CTNNA3: variants seen among roughly 807,000 people sequenced by gnomAD.
The protein encoded by CTNNA3 is catenin alpha 3.
CTNNA3 carries 76 observed loss-of-function variants against 95.7 expected under a neutral mutation model. The ratio of observed to expected loss-of-function variants is 0.79; its 90% CI spans 0.66 to 0.96. The LOEUF (loss-of-function observed/expected upper bound fraction) is 0.96, where lower values mean the gene tolerates loss of function less well. Ranked by LOEUF, CTNNA3 falls within the 40% of genes least tolerant of loss-of-function variation. CTNNA3 has a pLI of 0.00. For missense variants in CTNNA3, 1,191 were observed against 1,089.8 expected (o/e 1.09, Z -1.31); for synonymous variants, 431 against 374.4 (o/e 1.15, Z -1.74).
chr10:66,696,489 C>T (rs1847768948), intron 9 of CTNNA3, among the ~76,000 whole-genome samples: 2 of 152,138 alleles, frequency 1.3e-5, no homozygotes, highest in South Asian at 4.1e-4. Context: ...TTAAAGTGAA[C>T]TAACTTATTC....
At chr10:67,033,229 T>A (rs1174786400) in intron 7 of CTNNA3, among the ~76,000 whole-genome samples, 2 of 152,204 alleles carry the variant, frequency 1.3e-5, no homozygotes, top group African/African-American at 4.8e-5. Flanking sequence ...TCTATTTGTA[T>A]AAGGCTTTCT....
At chr10:67,630,229 T>C (rs930468076) in intron 2 of CTNNA3, among the ~76,000 whole-genome samples, 2 of 152,194 alleles carry the variant, frequency 1.3e-5, no homozygotes, top group African/African-American at 4.8e-5. Flanking sequence ...AATATTCCCA[T>C]TGTCCTCTGG....
intron 12 of CTNNA3, among the ~76,000 whole-genome samples, chr10:66,313,962 T>G (rs2092061926): frequency 6.6e-6 from 1 of 152,220 alleles, no homozygotes; most frequent in Non-Finnish European, 1.5e-5. Context: ...TCTATTTTAA[T>G]TCCTGAATTT....
rs910433907 is a variant in CTNNA3, at chr10:65,995,908, C to G, written c.2160-7111G>C. 2.0e-5 allele frequency among the ~76,000 whole-genome samples: 3 copies of G among 152,284 alleles called. No individual in the cohort carries two copies. The East Asian group carries it at 5.8e-4, about 30-fold the overall frequency. On this transcript the variant is annotated intron_variant, in intron 15 of 17. Coordinates refer to ENST00000433211, the MANE Select transcript of CTNNA3 (RefSeq NM_013266.4). The stretch of plus-strand genomic sequence containing the variant: ...GCATGGGTGATGTTGCCAGGCCAGA[C>G]AAGCCTGTCATTAGGCCTCCTCCAT...
At chr10:66,765,427 G>T (rs1026684610) in intron 9 of CTNNA3, among the ~76,000 whole-genome samples, 15 of 152,088 alleles carry the variant, frequency 9.9e-5, no homozygotes, top group African/African-American at 3.6e-4. Flanking sequence ...AACCAGAGTA[G>T]ACACCAGCCA....
intron 7 of CTNNA3, among the ~76,000 whole-genome samples, chr10:66,951,956 T>C (rs777992529): frequency 6.6e-6 from 1 of 152,160 alleles, no homozygotes; most frequent in Non-Finnish European, 1.5e-5. Flanking sequence ...CAGAACTCTT[T>C]AGATAAACAG....
chr10:66,346,219 A>AG (rs1174467314), intron 12 of CTNNA3, among the ~76,000 whole-genome samples: 18 of 95,442 alleles, frequency 1.9e-4, no homozygotes, highest in Admixed American at 1.4e-3. Flanking sequence ...GTGTATATAT[A>AG]TATATATATA....
rs536801553 is a variant in CTNNA3, at chr10:67,419,456, T to C, written c.579+102386A>G. 3.3e-5 allele frequency among the ~76,000 whole-genome samples: 5 copies of C among 151,868 alleles called. No homozygotes were observed. The East Asian group carries it at 9.7e-4, about 29-fold the overall frequency. On this transcript the variant is annotated intron_variant, in intron 5 of 17. Coordinates refer to ENST00000433211, the MANE Select transcript of CTNNA3 (RefSeq NM_013266.4). ...GTTGAGGTTTGGAGCATGGACCTCGTCACCCTGGTAGTGAGCATAGTGCCT... is the reference window on the plus strand; with the variant it reads ...GTTGAGGTTTGGAGCATGGACCTCGCCACCCTGGTAGTGAGCATAGTGCCT...
At chr10:66,417,677 C>A (rs1285705884) in intron 11 of CTNNA3, among the ~76,000 whole-genome samples, 4 of 151,790 alleles carry the variant, frequency 2.6e-5, no homozygotes, top group Non-Finnish European at 4.4e-5. Context: ...GTATCAAGTA[C>A]CTTCTCAGAT....
intron 1 of CTNNA3, among the ~76,000 whole-genome samples, chr10:67,725,423 C>G (rs2133622715): frequency 6.6e-6 from 1 of 152,222 alleles, no homozygotes; most frequent in South Asian, 2.1e-4. Context: ...GTGATTCGCC[C>G]ACCTCGGCCT....
At chr10:65,953,617 T>A (rs1487980439) in intron 17 of CTNNA3, among the ~76,000 whole-genome samples, 1 of 151,174 alleles carries the variant, frequency 6.6e-6, no homozygotes, top group Non-Finnish European at 1.5e-5. Context: ...TTCCCACCTA[T>A]GAGTAAGAAC....
intron 13 of CTNNA3, among the ~76,000 whole-genome samples, chr10:66,152,159 T>C (rs1430587555): frequency 6.6e-6 from 1 of 152,006 alleles, no homozygotes; most frequent in Non-Finnish European, 1.5e-5. Context: ...AAAAACATTC[T>C]ACTAAACTTG....
chr10:67,434,764 A>G (rs1327718315), intron 5 of CTNNA3, among the ~76,000 whole-genome samples: 1 of 151,932 alleles, frequency 6.6e-6, no homozygotes, highest in African/African-American at 2.4e-5. Flanking sequence ...TCGCTTCTTC[A>G]TTTTTCTGAT....
intron 3 of CTNNA3, among the ~76,000 whole-genome samples, chr10:67,591,072 A>T (rs1842775686): frequency 1.3e-5 from 2 of 152,060 alleles, no homozygotes; most frequent in African/African-American, 2.4e-5. Context: ...CTTTTTGTCT[A>T]TAGTTATGAG....
At chr10:67,026,253 T>C (rs1046022298) in intron 7 of CTNNA3, among the ~76,000 whole-genome samples, 1 of 151,690 alleles carries the variant, frequency 6.6e-6, no homozygotes, top group Admixed American at 6.6e-5. Context: ...AAACTTAAAG[T>C]ATAATAATAA....
chr10:66,001,050 G>A (rs999154683), intron 15 of CTNNA3, among the ~76,000 whole-genome samples: 17 of 152,008 alleles, frequency 1.1e-4, no homozygotes, highest in African/African-American at 4.1e-4. Flanking sequence ...TGGGTAGTTG[G>A]GAGGCCCACC....
chr10:66,852,464 C>T (rs1250370625), intron 7 of CTNNA3, among the ~76,000 whole-genome samples: 1 of 151,970 alleles, frequency 6.6e-6, no homozygotes, highest in Non-Finnish European at 1.5e-5. Context: ...AACATAAATG[C>T]CAAGAACTAG....
At chr10:66,200,267 G>A (rs979619033) in intron 13 of CTNNA3, among the ~76,000 whole-genome samples, 4 of 151,464 alleles carry the variant, frequency 2.6e-5, no homozygotes, top group Non-Finnish European at 5.9e-5. Context: ...GGGAAGGGAA[G>A]GCTTAAGCAC....
intron 9 of CTNNA3, among the ~76,000 whole-genome samples, chr10:66,635,990 C>CTGTGTGTGTGTGTGTGTGTGTG (rs10527642): frequency 2.0e-4 from 29 of 145,944 alleles, no homozygotes; most frequent in Admixed American, 4.1e-4. Context: ...TGGAAGAACA[C>CTGTGTGTGTGTGTGTGTGTGTG]TGTGTGTGTG....
Sources: allele counts gnomAD v4.1 joint callset (sites outside exome capture counted in the v4.1 genomes callset), GRCh38; gene constraint gnomAD v4.1.1; transcripts MANE v1.5; gene names NCBI Gene and HGNC (gene_info 2026-07-23, HGNC 2026-07-21).